The following TAF3 variants were observed in gnomAD, a reference collection of about 807,000 sequenced individuals.
The protein encoded by TAF3 is transcription initiation factor TFIID subunit 3.
A neutral mutation model predicts 80.6 loss-of-function variants in TAF3; 7 were observed. That is an observed-to-expected ratio of 0.09 (90% CI 0.05 to 0.16). TAF3 has a LOEUF of 0.16. Ranked by LOEUF, TAF3 falls within the 10% of genes least tolerant of loss-of-function variation. The pLI, the probability that TAF3 is intolerant of heterozygous loss-of-function variation, is 1.00. For synonymous variants in TAF3, 444 were observed against 446.1 expected (o/e 1.00, Z 0.06); for missense variants, 921 against 1,140.2 (o/e 0.81, Z 2.77).
At chr10:7,953,001 A>G (rs1197439476) in intron 2 of TAF3, among the ~76,000 whole-genome samples, 1 of 152,170 alleles carries the variant, frequency 6.6e-6, no homozygotes, top group Non-Finnish European at 1.5e-5. Flanking sequence ...TTTTGACGCC[A>G]TGCCCTTCTT....
chr10:7,994,365 A>G (rs1831863628), intron 4 of TAF3, among the ~76,000 whole-genome samples: 1 of 152,092 alleles, frequency 6.6e-6, no homozygotes, highest in Non-Finnish European at 1.5e-5. Flanking sequence ...ATCTGTCACT[A>G]GAGATGCCCA....
chr10:8,016,325 CATT>C lies in TAF3; in HGVS notation c.*1577_*1579del, dbSNP rs1420748103. The C allele has an allele frequency of 1.3e-5, 2 of 152,036 alleles. No individual in the cohort carries two copies. Among genetic ancestry groups the C allele is most frequent in the Non-Finnish European group, 2.9e-5 (2 of 68,018 alleles). 9.4% of individuals were successfully genotyped at this position (152,036 alleles called of 1,614,324 possible). On this transcript the variant is annotated 3_prime_UTR_variant, in exon 7 of 7. Coordinates refer to ENST00000344293, the MANE Select transcript of TAF3 (RefSeq NM_031923.4). The stretch of plus-strand genomic sequence containing the variant: ...TGTATGAATTAGTCATATTTTAAAA[CATT>C]ATGTGGTTAGAGAAATGCGGTTTTC...
chr10:7,868,650 T>A (rs557388469), intron 2 of TAF3, among the ~76,000 whole-genome samples: 1 of 152,218 alleles, frequency 6.6e-6, no homozygotes, highest in Non-Finnish European at 1.5e-5. Context: ...CATTTCCTCT[T>A]ATGGAAAATA....
intron 3 of TAF3, among the ~76,000 whole-genome samples, chr10:7,965,963 A>T (rs981088480): frequency 6.6e-6 from 1 of 152,344 alleles, no homozygotes; most frequent in Middle Eastern, 3.4e-3. Flanking sequence ...TTCATAGCCT[A>T]AGAGGCATCT....
chr10:8,014,614 T>C, intron 6 of TAF3, 23 bp from the exon 7 acceptor site: 1 of 1,600,800 alleles, frequency 6.2e-7, no homozygotes, highest in African/African-American at 1.3e-5. Flanking sequence ...AAGTTGCTTA[T>C]CTGAGCTTGT....
intron 2 of TAF3, among the ~76,000 whole-genome samples, chr10:7,882,219 T>C (rs1416628413): frequency 6.6e-6 from 1 of 152,350 alleles, no homozygotes; most frequent in East Asian, 1.9e-4. Context: ...ATCATCTTAT[T>C]GGAGACCGTC....
rs1458549496 is a variant in TAF3, at chr10:7,982,868, T to C, written c.2315+5545T>C. Among the ~76,000 whole-genome samples, 3 of 152,330 alleles carry C rather than the reference T, an allele frequency of 2.0e-5. No homozygotes were observed. The East Asian group carries it at 5.8e-4, about 29-fold the overall frequency. Reference sequence around the variant, plus strand: ...GCATTTTTTGTTGACTTTTGCACACTTTCCAAGAGGAAAGCATGAAAGAAC... The same window carrying C: ...GCATTTTTTGTTGACTTTTGCACACCTTCCAAGAGGAAAGCATGAAAGAAC... On this transcript the variant is annotated intron_variant, in intron 4 of 6. Transcript: ENST00000344293.
chr10:8,013,933 T>A, intron 6 of TAF3, 96 bp downstream of exon 6: 1 of 1,061,318 alleles, frequency 9.4e-7, no homozygotes, highest in Non-Finnish European at 1.5e-6. Flanking sequence ...GCCTTTGGAC[T>A]GACCCAGGGC....
chr10:7,986,212 T>G (rs1831775894), intron 4 of TAF3, among the ~76,000 whole-genome samples: 1 of 152,214 alleles, frequency 6.6e-6, no homozygotes, highest in Non-Finnish European at 1.5e-5. Flanking sequence ...CATTTTCTCT[T>G]TAGGTTTGTT....
intron 2 of TAF3, among the ~76,000 whole-genome samples, chr10:7,946,295 C>G (rs112146061): frequency 6.6e-6 from 1 of 152,208 alleles, no homozygotes; most frequent in Non-Finnish European, 1.5e-5. Flanking sequence ...ACACAAAACT[C>G]GTTACGCAGT....
chr10:7,907,191 C>A (rs1158001612), intron 2 of TAF3, among the ~76,000 whole-genome samples: 1 of 152,108 alleles, frequency 6.6e-6, no homozygotes, highest in African/African-American at 2.4e-5. Flanking sequence ...GGGGCACAGT[C>A]ACACCTGTGT....
intron 2 of TAF3, among the ~76,000 whole-genome samples, chr10:7,906,248 T>G (rs1837607617): frequency 6.6e-6 from 1 of 152,204 alleles, no homozygotes; most frequent in Non-Finnish European, 1.5e-5. Flanking sequence ...ATGGTAACAT[T>G]TCTCTCAAGT....
At chr10:7,916,275 T>C (rs1338532520) in intron 2 of TAF3, among the ~76,000 whole-genome samples, 1 of 152,238 alleles carries the variant, frequency 6.6e-6, no homozygotes, top group African/African-American at 2.4e-5. Context: ...TTTCTATTTT[T>C]GACCATGTTT....
At chr10:7,887,890 G>A (rs1837423502) in intron 2 of TAF3, among the ~76,000 whole-genome samples, 1 of 151,852 alleles carries the variant, frequency 6.6e-6, no homozygotes, top group African/African-American at 2.4e-5. Context: ...TGAGCTCCAG[G>A]CCAGGGATTC....
intron 4 of TAF3, among the ~76,000 whole-genome samples, chr10:7,978,645 C>A (rs1195691357): frequency 2.0e-5 from 3 of 152,116 alleles, no homozygotes; most frequent in Non-Finnish European, 4.4e-5. Context: ...TGTCCTCATC[C>A]CTTAACCAGT....
chr10:7,991,201 A>G (rs1171663223), intron 4 of TAF3, among the ~76,000 whole-genome samples: 2 of 152,222 alleles, frequency 1.3e-5, no homozygotes, highest in East Asian at 3.9e-4. Flanking sequence ...ACACACACAT[A>G]TACATACATA....
intron 2 of TAF3, among the ~76,000 whole-genome samples, chr10:7,877,200 T>C (rs2131151015): frequency 6.6e-6 from 1 of 152,302 alleles, no homozygotes; most frequent in South Asian, 2.1e-4. Flanking sequence ...AAATTGTCAG[T>C]CTCCATGAGT....
At chr10:7,870,328 G>T (rs1235123874) in intron 2 of TAF3, among the ~76,000 whole-genome samples, 1 of 152,026 alleles carries the variant, frequency 6.6e-6, no homozygotes, top group Non-Finnish European at 1.5e-5. Context: ...GGAGTATATT[G>T]TTTAAAAAAC....
At chr10:7,930,388 A>G (rs1837856972) in intron 2 of TAF3, among the ~76,000 whole-genome samples, 1 of 152,180 alleles carries the variant, frequency 6.6e-6, no homozygotes, top group African/African-American at 2.4e-5. Context: ...TAAATGTCAG[A>G]CCATTTAGTA....
Sources: gnomAD v4.1 joint callset for allele counts (sites outside exome capture counted in the v4.1 genomes callset) on GRCh38, gnomAD v4.1.1 for gene constraint, MANE v1.5 for transcripts, NCBI Gene and HGNC (gene_info 2026-07-23, HGNC 2026-07-21) for gene names.